The following IGSF21 variants were observed in gnomAD, a reference collection of about 807,000 sequenced individuals.
The protein encoded by IGSF21 is immunoglobulin superfamily member 21.
In IGSF21, 28 loss-of-function variants were observed where a neutral mutation model predicts 46.8. That is an observed-to-expected ratio of 0.60 (90% CI 0.44 to 0.82). The LOEUF is 0.82. IGSF21 is among the 40% of genes least tolerant of loss of function. IGSF21 has a pLI of 0.00. For missense variants in IGSF21, 624 were observed against 665.5 expected (o/e 0.94, Z 0.69); for synonymous variants, 284 against 273.6 (o/e 1.04, Z -0.38).
chr1:18,113,523 G>A (rs2086161313), intron 1 of IGSF21: 1 of 152,108 alleles, frequency 6.6e-6, no homozygotes, highest in African/African-American at 2.4e-5. Flanking sequence ...GGAATCTGGT[G>A]TTTGGTTTTT....
intron 1 of IGSF21, among the ~76,000 whole-genome samples, chr1:18,180,522 T>A (rs1388020021): frequency 6.6e-6 from 1 of 152,124 alleles, no homozygotes; most frequent in African/African-American, 2.4e-5. Context: ...TAAAACAAAG[T>A]GTAGACAGGT....
chr1:18,287,212 A>T (rs1014152286), intron 2 of IGSF21, among the ~76,000 whole-genome samples: 5 of 143,794 alleles, frequency 3.5e-5, no homozygotes. Context: ...TAAATAAATA[A>T]AAATAAATAA....
chr1:18,132,966 G>C (rs1288386291), intron 1 of IGSF21, among the ~76,000 whole-genome samples: 2 of 152,150 alleles, frequency 1.3e-5, no homozygotes, highest in South Asian at 4.1e-4. Flanking sequence ...CTTTCTTCTT[G>C]CCAGACCAGT....
intron 1 of IGSF21, chr1:18,178,981 T>C (rs191972174): frequency 6.6e-6 from 1 of 152,262 alleles, no homozygotes; most frequent in African/African-American, 2.4e-5. Context: ...GGGAAAGAAT[T>C]GAGTTCATGA....
chr1:18,142,985 A>G (rs1470055222), intron 1 of IGSF21, among the ~76,000 whole-genome samples: 7 of 152,106 alleles, frequency 4.6e-5, no homozygotes, highest in Non-Finnish European at 8.8e-5. Flanking sequence ...TCCCTACCCA[A>G]AGGGTCTGGC....
At chr1:18,250,959 G>A (rs2124526978) in intron 2 of IGSF21, among the ~76,000 whole-genome samples, 1 of 152,262 alleles carries the variant, frequency 6.6e-6, no homozygotes, top group South Asian at 2.1e-4. Flanking sequence ...TCTTAGATCA[G>A]CTGGCCAGAA....
At chr1:18,163,720 A>G (rs1410801641) in intron 1 of IGSF21, among the ~76,000 whole-genome samples, 1 of 152,084 alleles carries the variant, frequency 6.6e-6, no homozygotes, top group Non-Finnish European at 1.5e-5. Context: ...AAGGCCCCCC[A>G]AGCTCCTGCC....
chr1:18,342,277 C>T (rs1352321837), intron 4 of IGSF21, among the ~76,000 whole-genome samples: 2 of 151,854 alleles, frequency 1.3e-5, no homozygotes, highest in African/African-American at 4.8e-5. Context: ...TAGTTTTAGT[C>T]GAGACGAGGT....
chr1:18,271,020 T>C (rs1261325078), intron 2 of IGSF21, among the ~76,000 whole-genome samples: 1 of 152,196 alleles, frequency 6.6e-6, no homozygotes, highest in East Asian at 1.9e-4. Flanking sequence ...GCGTTGACTT[T>C]GGACAGCAGG....
chr1:18,128,536 C>T lies in IGSF21; in HGVS notation c.70+20338C>T, dbSNP rs142558947. 3.8e-3 allele frequency among the ~76,000 whole-genome samples: 581 copies of T among 152,320 alleles called. 8 individuals carry two copies. The highest frequency in any genetic ancestry group is 0.014 in the African/African-American group (565 of 41,572). On this transcript the variant is annotated intron_variant, in intron 1 of 9. Coordinates refer to ENST00000251296, the MANE Select transcript of IGSF21 (RefSeq NM_032880.5). Reference sequence around the variant, plus strand: ...TTCCCTCCCACCAGTGATGCAAGCTCAGCTGGCCCATGACAGTGTCCCCTT... The same window carrying T: ...TTCCCTCCCACCAGTGATGCAAGCTTAGCTGGCCCATGACAGTGTCCCCTT...
At chr1:18,247,366 G>T (rs988517260) in intron 2 of IGSF21, among the ~76,000 whole-genome samples, 1 of 152,118 alleles carries the variant, frequency 6.6e-6, no homozygotes, top group Non-Finnish European at 1.5e-5. Flanking sequence ...TCCTTCATCC[G>T]CCTGGGACCT....
Position 18,365,055 on chromosome 1 carries a change from T to C in IGSF21, c.541-168T>C, listed in dbSNP as rs1450492496. The stretch of plus-strand genomic sequence containing the variant: ...TGTGTTCCCATTGTACCACACTGGC[T>C]CATAGTTCTTGGGGGTGTTGAAGGG... On this transcript the variant is annotated intron_variant, in intron 5 of 9. Transcript: ENST00000251296. The surrounding 1 kb of genome is among the most constrained non-coding windows in gnomAD (Gnocchi z 4.8). Among the ~76,000 whole-genome samples, 1 of 152,158 alleles carries C rather than the reference T, an allele frequency of 6.6e-6. No individual in the cohort carries two copies. The highest frequency in any genetic ancestry group is 1.5e-5 in the Non-Finnish European group (1 of 68,022).
At position 18,212,156 on chromosome 1, in the gene IGSF21, G is replaced by A. The variant is rs374931898; in HGVS notation, c.71-15742G>A. On this transcript the variant is annotated intron_variant, in intron 1 of 9. Coordinates refer to ENST00000251296, the MANE Select transcript of IGSF21 (RefSeq NM_032880.5). ...TGCGGCAGCACGGCCCCCGGGTGCCGGGCACAGTGCTATGGTCCTTGCCTG... is the reference window on the plus strand; with the variant it reads ...TGCGGCAGCACGGCCCCCGGGTGCCAGGCACAGTGCTATGGTCCTTGCCTG... Among the ~76,000 whole-genome samples the A allele has an allele frequency of 5.3e-5, 8 of 152,354 alleles. No homozygotes were observed. In the East Asian group the frequency reaches 9.6e-4, roughly 18 times the overall value.
intron 1 of IGSF21, among the ~76,000 whole-genome samples, chr1:18,160,521 A>G (rs1276566837): frequency 2.6e-5 from 4 of 151,974 alleles, no homozygotes; most frequent in African/African-American, 9.7e-5. Flanking sequence ...TTGGCTCTGC[A>G]CTTTCTAGCT....
chr1:18,191,520 G>A (rs897907658), intron 1 of IGSF21, among the ~76,000 whole-genome samples: 1 of 152,036 alleles, frequency 6.6e-6, no homozygotes, highest in Non-Finnish European at 1.5e-5. Flanking sequence ...GAAATAGAGA[G>A]GGCATTCCAG....
intron 1 of IGSF21, among the ~76,000 whole-genome samples, chr1:18,124,139 C>A (rs903350438): frequency 6.6e-6 from 1 of 152,192 alleles, no homozygotes; most frequent in Admixed American, 6.5e-5. Context: ...ATAAAGCAGC[C>A]CCTCTCGGCT....
intron 4 of IGSF21, among the ~76,000 whole-genome samples, chr1:18,355,466 C>T (rs1039581343): frequency 6.6e-6 from 1 of 152,182 alleles, no homozygotes; most frequent in African/African-American, 2.4e-5. Context: ...CAACTCCTGC[C>T]TCCCTTGGTG....
chr1:18,329,575 G>A (rs1269433674), intron 3 of IGSF21, among the ~76,000 whole-genome samples: 1 of 152,200 alleles, frequency 6.6e-6, no homozygotes. Context: ...GACATGGACA[G>A]GTATGTGCTC....
chr1:18,143,209 G>A (rs2086434384), intron 1 of IGSF21, among the ~76,000 whole-genome samples: 1 of 152,194 alleles, frequency 6.6e-6, no homozygotes, highest in Non-Finnish European at 1.5e-5. Context: ...GTGCAGCCGT[G>A]ATTTAATCTC....
Sources: allele counts gnomAD v4.1 joint callset (sites outside exome capture counted in the v4.1 genomes callset), GRCh38; gene constraint gnomAD v4.1.1; non-coding constraint Gnocchi (gnomAD v3.1); transcripts MANE v1.5; gene names NCBI Gene and HGNC (gene_info 2026-07-23, HGNC 2026-07-21).